The following TBC1D5 variants were observed in gnomAD, a reference collection of about 807,000 sequenced individuals.
The protein encoded by TBC1D5 is TBC1 domain family member 5, also known as TBC1 domain family, member 5.
A neutral mutation model predicts 100.3 loss-of-function variants in TBC1D5; 75 were observed. That is an observed-to-expected ratio of 0.75 (90% CI 0.62 to 0.91). The LOEUF is 0.91. Ranked by LOEUF, TBC1D5 falls within the 40% of genes least tolerant of loss-of-function variation. The pLI is 0.00. For missense variants in TBC1D5, 910 were observed against 942.4 expected (o/e 0.97, Z 0.45); for synonymous variants, 323 against 325.6 (o/e 0.99, Z 0.09).
chr3:17,392,438 C>T (rs1403450699), intron 8 of TBC1D5, among the ~76,000 whole-genome samples: 1 of 151,924 alleles, frequency 6.6e-6, no homozygotes, highest in Admixed American at 6.6e-5. Flanking sequence ...ATTAGGTATA[C>T]ACATGCCATG....
intron 17 of TBC1D5, among the ~76,000 whole-genome samples, chr3:17,236,954 A>G (rs2075907579): frequency 6.6e-6 from 1 of 152,228 alleles, no homozygotes; most frequent in Non-Finnish European, 1.5e-5. Context: ...CACTCATTGA[A>G]TAATACTCAA....
At chr3:17,645,476 T>C (rs1326973440) in intron 1 of TBC1D5, among the ~76,000 whole-genome samples, 1 of 152,090 alleles carries the variant, frequency 6.6e-6, no homozygotes, top group Non-Finnish European at 1.5e-5. Flanking sequence ...CAGCGACCAC[T>C]TCGGCAACTA....
intron 9 of TBC1D5, among the ~76,000 whole-genome samples, chr3:17,380,041 GTGTA>G (rs71049198): frequency 0.17 from 15,083 of 87,844 alleles, 841 homozygotes; most frequent in African/African-American, 0.25. Context: ...AGCTGTGACT[GTGTA>G]TGTGTGTGTG....
At chr3:17,706,422 T>TACACACACACAC (rs34977117) in intron 1 of TBC1D5, among the ~76,000 whole-genome samples, 28 of 151,302 alleles carry the variant, frequency 1.9e-4, no homozygotes, top group African/African-American at 6.8e-4. Flanking sequence ...CAACTTTACT[T>TACACACACACAC]ACACACACAC....
At chr3:17,545,129 G>GA (rs1231573086) in intron 2 of TBC1D5, among the ~76,000 whole-genome samples, 3 of 151,782 alleles carry the variant, frequency 2.0e-5, no homozygotes, top group South Asian at 2.1e-4. Context: ...TTATGACACC[G>GA]AAAAAATCGT....
chr3:17,684,571 A>G (rs1029164437), intron 1 of TBC1D5, among the ~76,000 whole-genome samples: 2 of 152,108 alleles, frequency 1.3e-5, no homozygotes, highest in East Asian at 3.8e-4. Context: ...TTTCAATAAG[A>G]GAGCCCTAAT....
intron 4 of TBC1D5, among the ~76,000 whole-genome samples, chr3:17,407,705 A>G (rs559976879): frequency 1.3e-5 from 2 of 152,264 alleles, no homozygotes; most frequent in East Asian, 3.9e-4. Flanking sequence ...ACCAAAGACA[A>G]TGACACATTC....
chr3:17,573,040 C>G (rs965471751), intron 2 of TBC1D5, among the ~76,000 whole-genome samples: 3 of 152,052 alleles, frequency 2.0e-5, no homozygotes, highest in Non-Finnish European at 4.4e-5. Context: ...ATGTACATAT[C>G]TCTTACAGTA....
intron 2 of TBC1D5, among the ~76,000 whole-genome samples, chr3:17,563,844 T>G (rs548163126): frequency 1.1e-3 from 161 of 152,274 alleles, no homozygotes; most frequent in African/African-American, 3.0e-3. Flanking sequence ...GTGCAGTGGC[T>G]TGATCTCAGC....
intron 15 of TBC1D5, among the ~76,000 whole-genome samples, chr3:17,270,526 A>T (rs2079294508): frequency 6.6e-6 from 1 of 152,108 alleles, no homozygotes. Context: ...GTAAGTGAGC[A>T]TTCTCCCATT....
intron 1 of TBC1D5, among the ~76,000 whole-genome samples, chr3:17,737,857 TA>T (rs985757429): frequency 5.3e-5 from 8 of 151,446 alleles, no homozygotes; most frequent in Non-Finnish European, 1.0e-4. Context: ...ACATCTTTTC[TA>T]GGCAACTGAA....
Position 17,605,217 on chromosome 3 carries a change from G to GT in TBC1D5, c.-36+18631dup, listed in dbSNP as rs745674397. 2.7e-3 allele frequency among the ~76,000 whole-genome samples: 403 copies of GT among 151,586 alleles called. 1 individual carries two copies. The highest frequency in any genetic ancestry group is 0.021 in the East Asian group (108 of 5,166). The stretch of plus-strand genomic sequence containing the variant: ...CATGAATGAGTGACTCATCAACATG[G>GT]TTTTTTTTTAAAGGAGTCAAGCTCC... On this transcript the variant is annotated intron_variant, in intron 2 of 21. Coordinates refer to ENST00000253692, the Ensembl canonical transcript of TBC1D5.
At chr3:17,296,868 TAGGAAAG>T (rs1341054973) in intron 14 of TBC1D5, among the ~76,000 whole-genome samples, 1 of 152,232 alleles carries the variant, frequency 6.6e-6, no homozygotes, top group Non-Finnish European at 1.5e-5. Flanking sequence ...ATTTCACTTT[TAGGAAAG>T]AGGACAATCT....
intron 1 of TBC1D5, among the ~76,000 whole-genome samples, chr3:17,643,489 A>G (rs1026439778): frequency 2.0e-5 from 3 of 152,054 alleles, no homozygotes; most frequent in African/African-American, 7.2e-5. Flanking sequence ...CTATCCATTA[A>G]TGAGTCTTGC....
At chr3:17,695,391 G>C (rs2071877663) in intron 1 of TBC1D5, among the ~76,000 whole-genome samples, 2 of 152,122 alleles carry the variant, frequency 1.3e-5, no homozygotes, top group South Asian at 4.1e-4. Context: ...AAAATAAAGG[G>C]ATGGAGGAAG....
chr3:17,608,399 T>C (rs976859332), intron 2 of TBC1D5, among the ~76,000 whole-genome samples: 1 of 152,156 alleles, frequency 6.6e-6, no homozygotes, highest in East Asian at 1.9e-4. Context: ...AAAATTGCCA[T>C]ATTTTCTGAC....
At chr3:17,403,370 T>C in intron 7 of TBC1D5, 122 bp from the exon 8 acceptor site, 1 of 552,848 alleles carries the variant, frequency 1.8e-6, no homozygotes, top group Non-Finnish European at 2.9e-6. Flanking sequence ...ACATTGCAGA[T>C]AGAAAACCTG....
intron 1 of TBC1D5, among the ~76,000 whole-genome samples, chr3:17,665,269 C>T (rs142507855): frequency 5.5e-4 from 83 of 152,278 alleles, no homozygotes; most frequent in African/African-American, 1.5e-3. Flanking sequence ...GCAATGAAAA[C>T]CACATGTCCT....
At chr3:17,619,630 A>C (rs1236065852) in intron 2 of TBC1D5, among the ~76,000 whole-genome samples, 1 of 152,234 alleles carries the variant, frequency 6.6e-6, no homozygotes, top group Non-Finnish European at 1.5e-5. Flanking sequence ...AGAAAACTAC[A>C]AGTACTTTTT....
Sources: allele counts gnomAD v4.1 joint callset (sites outside exome capture counted in the v4.1 genomes callset), GRCh38; gene constraint gnomAD v4.1.1; transcripts MANE v1.5; gene names NCBI Gene and HGNC (gene_info 2026-07-23, HGNC 2026-07-21).